The following PRKN variants were observed in gnomAD, a reference collection of about 807,000 sequenced individuals.
PRKN encodes the protein E3 ubiquitin-protein ligase parkin.
A neutral mutation model predicts 59.5 loss-of-function variants in PRKN; 56 were observed. The observed-to-expected ratio is 0.94, with a 90% CI of 0.76 to 1.18. The LOEUF (loss-of-function observed/expected upper bound fraction) is 1.18, where lower values mean the gene tolerates loss of function less well. Among genes scored for constraint, PRKN ranks in the 50% most tolerant of loss-of-function variants. The pLI, the probability that PRKN is intolerant of heterozygous loss-of-function variation, is 0.00. For missense variants in PRKN, 657 were observed against 596.4 expected (o/e 1.10, Z -1.06); for synonymous variants, 250 against 222.1 (o/e 1.13, Z -1.12).
chr6:162,488,313 A>G (rs1278870533), intron 1 of PRKN, among the ~76,000 whole-genome samples: 3 of 152,126 alleles, frequency 2.0e-5, no homozygotes. Flanking sequence ...GCCTGATCCT[A>G]TTTGGAATTT....
At position 161,584,296 on chromosome 6, in the gene PRKN, C is replaced by T. The variant is rs1191489415; in HGVS notation, c.872-14880G>A. 6.6e-6 allele frequency among the ~76,000 whole-genome samples: 1 copy of T among 152,166 alleles called. No homozygotes were observed. The highest frequency in any genetic ancestry group is 1.9e-4 in the East Asian group (1 of 5,196). ...CCAGCTTCCCAATCAAATAGGACAC[C>T]AGAGCCCAACCTTTCTATTTCAGCT... On this transcript the variant is annotated intron_variant, in intron 7 of 11. Coordinates refer to ENST00000366898, the MANE Select transcript of PRKN (RefSeq NM_004562.3). The surrounding 1 kb of genome is among the most constrained non-coding windows in gnomAD (Gnocchi z 4.8).
intron 1 of PRKN, among the ~76,000 whole-genome samples, chr6:162,645,851 C>T (rs2012473): frequency 0.61 from 89,919 of 147,480 alleles, 28,195 homozygotes; most frequent in African/African-American, 0.75. Flanking sequence ...CCCTGAGCCA[C>T]AGTGCATAAA....
chr6:162,637,710 A>G (rs1285628737), intron 1 of PRKN, among the ~76,000 whole-genome samples: 2 of 152,208 alleles, frequency 1.3e-5, no homozygotes, highest in African/African-American at 4.8e-5. Flanking sequence ...TCTTAATTAA[A>G]ACAATAATTT....
intron 2 of PRKN, among the ~76,000 whole-genome samples, chr6:162,367,772 A>C (rs1345651090): frequency 6.6e-6 from 1 of 152,174 alleles, no homozygotes; most frequent in Non-Finnish European, 1.5e-5. Flanking sequence ...CAGAAAGAGA[A>C]AAAAAGAAAG....
chr6:161,906,328 A>G (rs1778143292), intron 6 of PRKN, among the ~76,000 whole-genome samples: 1 of 152,204 alleles, frequency 6.6e-6, no homozygotes. Flanking sequence ...GAACTGGAAT[A>G]GGTACAGGAA....
intron 6 of PRKN, among the ~76,000 whole-genome samples, chr6:161,878,195 C>G (rs1382683401): frequency 6.6e-6 from 1 of 152,122 alleles, no homozygotes; most frequent in Non-Finnish European, 1.5e-5. Flanking sequence ...ATGAGTTGCT[C>G]CAGTCGGCTC....
At chr6:162,672,021 G>C (rs896083759) in intron 1 of PRKN, among the ~76,000 whole-genome samples, 2 of 151,976 alleles carry the variant, frequency 1.3e-5, no homozygotes, top group Non-Finnish European at 2.9e-5. Flanking sequence ...GTAAAGTGAA[G>C]ACAGAGAGTG....
chr6:162,644,486 G>A (rs1428249212), intron 1 of PRKN, among the ~76,000 whole-genome samples: 1 of 152,132 alleles, frequency 6.6e-6, no homozygotes, highest in Non-Finnish European at 1.5e-5. Flanking sequence ...CCCTCCCTGG[G>A]AGAATATGTA....
chr6:162,115,638 G>T (rs992658919), intron 4 of PRKN, among the ~76,000 whole-genome samples: 1 of 151,898 alleles, frequency 6.6e-6, no homozygotes, highest in Non-Finnish European at 1.5e-5. Context: ...AAAGCAAGCG[G>T]TGTTTGTCAT....
chr6:162,529,651 T>C lies in PRKN; in HGVS notation c.8-86178A>G, dbSNP rs376486947. On this transcript the variant is annotated intron_variant, in intron 1 of 11. Transcript: ENST00000366898. ...TGTCTCAGGCAGCAGTGAGGCCAGA[T>C]AGTGGATTCCTGTGCTGCTACCCAC... Among the ~76,000 whole-genome samples, 42 of 152,210 alleles carry C rather than the reference T, an allele frequency of 2.8e-4. No individual in the cohort carries two copies. In the East Asian group the frequency reaches 3.5e-3, roughly 13 times the overall value.
rs147028059 is a variant in PRKN, at chr6:161,785,807, T to G, written c.836A>C (p.His279Pro). ...CAGGGAGTAGCCAAGTTGAGGGTCGTGAACAAACTGCCGATCATTGAGTCT... is the reference window on the plus strand; with the variant it reads ...CAGGGAGTAGCCAAGTTGAGGGTCGGGAACAAACTGCCGATCATTGAGTCT... ...VTRLNDRQFVHDPQLGYSLPC... is the reference protein window; with the variant it reads ...VTRLNDRQFVPDPQLGYSLPC... Residue 279 changes from histidine (H) to proline (P), a missense_variant, in exon 7 of 12, where the codon CAC (histidine) becomes CCC (proline). His to Pro is a moderately conservative substitution (Grantham distance 77, BLOSUM62 -2). Coordinates refer to ENST00000366898, the MANE Select transcript of PRKN (RefSeq NM_004562.3). 2.5e-6 allele frequency: 4 copies of G among 1,614,100 alleles called. No homozygotes were observed. The Admixed American group carries it at 6.7e-5, about 27-fold the overall frequency.
rs1004908799 is a variant in PRKN, at chr6:161,503,913, C to T, written c.1083+44941G>A. ...CCTTCAGCCTTGATCATTGAGACAC[C>T]CTAGACAGGGGGAAAGCATTGAAGA... On this transcript the variant is annotated intron_variant, in intron 9 of 11. Coordinates refer to ENST00000366898, the MANE Select transcript of PRKN (RefSeq NM_004562.3). The surrounding 1 kb of genome is among the most constrained non-coding windows in gnomAD (Gnocchi z 5.1). 6.6e-6 allele frequency among the ~76,000 whole-genome samples: 1 copy of T among 152,046 alleles called. No homozygotes were observed. The highest frequency in any genetic ancestry group is 6.5e-5 in the Admixed American group (1 of 15,274).
At chr6:162,115,000 T>C (rs899624961) in intron 4 of PRKN, among the ~76,000 whole-genome samples, 9 of 151,812 alleles carry the variant, frequency 5.9e-5, no homozygotes, top group African/African-American at 2.2e-4. Flanking sequence ...ACTGGGTATA[T>C]ACCCAAAGGA....
chr6:162,158,918 A>C (rs1279707624), intron 4 of PRKN, among the ~76,000 whole-genome samples: 1 of 151,560 alleles, frequency 6.6e-6, no homozygotes, highest in East Asian at 1.9e-4. Context: ...TGTTCACATT[A>C]CTCCCCTGTT....
intron 4 of PRKN, among the ~76,000 whole-genome samples, chr6:162,200,618 T>G (rs1784686135): frequency 6.6e-6 from 1 of 152,208 alleles, no homozygotes; most frequent in East Asian, 1.9e-4. Flanking sequence ...AGACTTCAGT[T>G]GACTGACCCT....
chr6:161,478,801 G>A (rs1391529874), intron 9 of PRKN, among the ~76,000 whole-genome samples: 1 of 152,180 alleles, frequency 6.6e-6, no homozygotes, highest in Non-Finnish European at 1.5e-5. Context: ...AGCTCTGATT[G>A]TGCCACTGTA....
intron 1 of PRKN, among the ~76,000 whole-genome samples, chr6:162,531,964 C>T (rs956767198): frequency 6.7e-6 from 1 of 150,226 alleles, no homozygotes; most frequent in Non-Finnish European, 1.5e-5. Flanking sequence ...AAAAATGTAA[C>T]AAAACTTACT....
At chr6:161,797,704 G>A (rs1790909761) in intron 6 of PRKN, among the ~76,000 whole-genome samples, 1 of 152,176 alleles carries the variant, frequency 6.6e-6, no homozygotes, top group African/African-American at 2.4e-5. Context: ...ACATGAGAAG[G>A]TACTGTGAAA....
chr6:161,509,381 A>G (rs59598263), intron 9 of PRKN, among the ~76,000 whole-genome samples: 12,294 of 152,118 alleles, frequency 0.081, 726 homozygotes, highest in African/African-American at 0.16. Flanking sequence ...AAGAATGGCA[A>G]AGCCTCGAAA....
Sources: allele counts gnomAD v4.1 joint callset (sites outside exome capture counted in the v4.1 genomes callset), GRCh38; gene constraint gnomAD v4.1.1; non-coding constraint Gnocchi (gnomAD v3.1); transcripts MANE v1.5; gene names NCBI Gene and HGNC (gene_info 2026-07-23, HGNC 2026-07-21).